CTPS2: variants seen among roughly 807,000 people sequenced by gnomAD.
The protein encoded by CTPS2 is CTP synthase II.
Under a neutral mutation model 46.8 loss-of-function variants are expected in CTPS2, and 19 were observed. The observed-to-expected ratio is 0.41, with a 90% CI of 0.28 to 0.60. The LOEUF is 0.60. CTPS2 is among the 20% of genes least tolerant of loss of function. The pLI, the probability that CTPS2 is intolerant of heterozygous loss-of-function variation, is 0.35. For synonymous variants in CTPS2, 151 were observed against 165.2 expected, an observed-to-expected ratio of 0.91 and a Z score of 0.66; for missense variants, 286 against 447.6, an observed-to-expected ratio of 0.64 and a Z score of 3.26.
chrX:16,641,574 A>C (rs1932082347), intron 13 of CTPS2, among the ~76,000 whole-genome samples: 1 of 111,778 alleles, frequency 8.9e-6, no homozygotes, highest in African/African-American at 3.3e-5. Flanking sequence ...TGGTCTCTAC[A>C]AAAAATACAA....
intron 13 of CTPS2, among the ~76,000 whole-genome samples, chrX:16,652,027 C>G (rs1000976761): frequency 7.3e-5 from 8 of 109,023 alleles, no homozygotes; most frequent in Non-Finnish European, 1.5e-4. Flanking sequence ...ATGGGGGGGG[C>G]CAGTGGATGG....
chrX:16,608,212 CTAAA>C, intron 17 of CTPS2, among the ~76,000 whole-genome samples: 1 of 110,561 alleles, frequency 9.0e-6, no homozygotes, highest in South Asian at 3.8e-4. Context: ...GACCCTGTCC[CTAAA>C]TAAATAAATA....
chrX:16,669,387 AG>A (rs1379355288), intron 11 of CTPS2, among the ~76,000 whole-genome samples: 11 of 102,154 alleles, frequency 1.1e-4, no homozygotes, highest in Admixed American at 4.2e-4. Context: ...ATGCCAGAAC[AG>A]AAGTCAATAA....
intron 17 of CTPS2, among the ~76,000 whole-genome samples, chrX:16,597,201 G>T (rs1160840200): frequency 9.0e-6 from 1 of 111,693 alleles, no homozygotes; most frequent in Non-Finnish European, 1.9e-5. Context: ...AGTTTAATTA[G>T]ATCCCATTTG....
At chrX:16,590,226 A>ATG (rs1172803581) in intron 18 of CTPS2, among the ~76,000 whole-genome samples, 27 of 76,269 alleles carry the variant, frequency 3.5e-4, no homozygotes, top group Non-Finnish European at 8.0e-4. Context: ...TTTATGTTTT[A>ATG]TTTTATTTTA....
At position 16,698,927 on chromosome X, in the gene CTPS2, C is replaced by A; in HGVS notation, c.333G>T (p.Val111=). ...ERRGDYLGKT[V]QVVPHITDAV... ...AATGTCTGTGGAATATAATACCTTG[C>A]ACTGTTTTCCCCAGGTAATCACCAC... Residue 111 remains valine (V), a synonymous_variant, in exon 3 of 19, where the codon GTG becomes GTT. Coordinates refer to ENST00000359276, the MANE Select transcript of CTPS2 (RefSeq NM_175859.3). 1 of 1,197,723 alleles carries A rather than the reference C, an allele frequency of 8.3e-7. No homozygotes were observed. Among genetic ancestry groups the A allele is most frequent in the Non-Finnish European group, 1.1e-6 (1 of 887,528 alleles).
intron 1 of CTPS2, among the ~76,000 whole-genome samples, chrX:16,708,516 C>T (rs1602303037): frequency 9.1e-6 from 1 of 110,297 alleles, no homozygotes; most frequent in East Asian, 2.8e-4. Context: ...AGTGAGACTC[C>T]GTCTGAAATA....
chrX:16,693,871 A>G (rs1923897557), intron 4 of CTPS2, among the ~76,000 whole-genome samples: 2 of 112,149 alleles, frequency 1.8e-5, no homozygotes, highest in Non-Finnish European at 3.8e-5. Context: ...TTGCTTCATT[A>G]AAACTAACAA....
intron 8 of CTPS2, among the ~76,000 whole-genome samples, chrX:16,687,976 T>G (rs1217155118): frequency 9.0e-6 from 1 of 111,184 alleles, no homozygotes; most frequent in Non-Finnish European, 1.9e-5. Flanking sequence ...GGTTAAGTAA[T>G]CACCCAAACT....
rs767967478 is a variant in CTPS2, at chrX:16,691,549, G to T, written c.711C>A (p.Asn237Lys). Residue 237 changes from asparagine to lysine, a missense_variant, in exon 7 of 19, where the codon AAC (asparagine) becomes AAA (lysine). Physicochemically the swap from Asn to Lys is moderately conservative, Grantham distance 94. Transcript: ENST00000359276. The part of the protein sequence containing the change: ...KEKISMFCHV[N>K]PEQVICIHDV... The stretch of plus-strand genomic sequence containing the variant: ...AAAGAGCAGCACCAACCTGTTCAGG[G>T]TTCACGTGACAAAACATAGAAATCT... The T allele has an allele frequency of 6.6e-6, 8 of 1,207,754 alleles. No homozygotes were observed. Among genetic ancestry groups the T allele is most frequent in the Non-Finnish European group, 9.0e-6 (8 of 893,086 alleles).
Position 16,625,330 on chromosome X carries a change from G to A in CTPS2, c.1394-4998C>T, listed in dbSNP as rs186149887. 1.7e-4 allele frequency among the ~76,000 whole-genome samples: 19 copies of A among 112,470 alleles called. No individual in the cohort carries two copies. In the East Asian group the frequency reaches 4.2e-3, roughly 25 times the overall value. ...TATGATTCTACTTCAAGGAGGTATC[G>A]ATAAAACGAGAGAGTTCCCTGACCC... is the stretch of plus-strand genomic sequence containing the variant. On this transcript the variant is annotated intron_variant, in intron 14 of 18. Coordinates refer to ENST00000359276, the MANE Select transcript of CTPS2 (RefSeq NM_175859.3).
At chrX:16,604,867 AGAG>A (rs1439648200) in intron 17 of CTPS2, among the ~76,000 whole-genome samples, 2 of 112,610 alleles carry the variant, frequency 1.8e-5, no homozygotes, top group Admixed American at 1.9e-4. Flanking sequence ...TTTAGACACC[AGAG>A]GAGAGAGATC....
At chrX:16,682,985 G>T in intron 9 of CTPS2, 109 bp downstream of exon 9, 1 of 834,623 alleles carries the variant, frequency 1.2e-6, no homozygotes, top group Non-Finnish European at 1.7e-6. Context: ...CTGGTGAATC[G>T]TAAGTCCTGC....
intron 17 of CTPS2, among the ~76,000 whole-genome samples, chrX:16,602,637 G>A (rs1176100754): frequency 8.9e-6 from 1 of 111,797 alleles, no homozygotes; most frequent in Non-Finnish European, 1.9e-5. Flanking sequence ...TGCATATGAA[G>A]TGTTAAGTTC....
At chrX:16,701,758 G>A (rs925149336) in intron 2 of CTPS2, among the ~76,000 whole-genome samples, 2 of 109,547 alleles carry the variant, frequency 1.8e-5, no homozygotes, top group African/African-American at 3.3e-5. Flanking sequence ...TCGCCACCGC[G>A]CCCGGCTAAT....
intron 17 of CTPS2, among the ~76,000 whole-genome samples, chrX:16,594,652 T>A (rs748199633): frequency 8.9e-6 from 1 of 111,999 alleles, no homozygotes; most frequent in South Asian, 3.8e-4. Context: ...GTTTCTAATC[T>A]AACAGCTCTC....
intron 13 of CTPS2, among the ~76,000 whole-genome samples, chrX:16,644,241 C>A (rs1345956040): frequency 1.8e-5 from 2 of 110,085 alleles, no homozygotes; most frequent in African/African-American, 6.6e-5. Context: ...TTCAAGTGAT[C>A]CTCCCACCTC....
At chrX:16,665,059 C>T (rs754308033) in intron 13 of CTPS2, among the ~76,000 whole-genome samples, 1 of 112,473 alleles carries the variant, frequency 8.9e-6, no homozygotes, top group Admixed American at 9.4e-5. Flanking sequence ...CCTTAGCCAT[C>T]AGGCAACTGC....
Position 16,588,943 on chromosome X carries a change from C to T in CTPS2, c.*874G>A, listed in dbSNP as rs73630553. 4.8e-4 allele frequency: 54 copies of T among 112,220 alleles called. No individual in the cohort carries two copies. The highest frequency in any genetic ancestry group is 1.6e-3 in the African/African-American group (50 of 30,947). 9.2% of individuals were successfully genotyped at this position (112,220 alleles called of 1,213,427 possible). On this transcript the variant is annotated 3_prime_UTR_variant, in exon 19 of 19. Transcript: ENST00000359276. ...TCAAAATTTCTGAATGCCAACATGA[C>T]GCTAGAAGTGGAAAATTCCATAACT...
Sources: allele counts gnomAD v4.1 joint callset (sites outside exome capture counted in the v4.1 genomes callset), GRCh38; gene constraint gnomAD v4.1.1; transcripts MANE v1.5; gene names NCBI Gene and HGNC (gene_info 2026-07-23, HGNC 2026-07-21).